Variants in MEP1A observed in about 807,000 individuals in gnomAD.
The protein encoded by MEP1A is N-benzoyl-L-tyrosyl-P-amino-benzoic acid hydrolase subunit alpha.
In MEP1A, 68 loss-of-function variants were observed where a neutral mutation model predicts 84.5. The observed-to-expected ratio is 0.80, with a 90% CI of 0.66 to 0.98. The LOEUF is 0.98. Ranked by LOEUF, MEP1A falls within the 50% of genes least tolerant of loss-of-function variation. The probability of loss-of-function intolerance (pLI) is 0.00; values close to 1 mark genes in which losing one functional copy is unlikely to be tolerated. For missense variants in MEP1A, 887 were observed against 919.9 expected (o/e 0.96, Z 0.46); for synonymous variants, 337 against 336.8 (o/e 1.00, Z -0.01).
chr6:46,842,605 A>G (rs146349891), downstream of MEP1A, among the ~76,000 whole-genome samples: 1 of 152,286 alleles, frequency 6.6e-6, no homozygotes, highest in East Asian at 1.9e-4. Context: ...TAAGATGTTT[A>G]TCAAGATAAT....
At chr6:46,794,812 C>T (rs1366491609) in intron 3 of MEP1A, among the ~76,000 whole-genome samples, 1 of 152,058 alleles carries the variant, frequency 6.6e-6, no homozygotes, top group Non-Finnish European at 1.5e-5. Context: ...TATTTTACAA[C>T]AGAAATGGGA....
In MEP1A at chr6:46,826,469, A is replaced by G; in HGVS notation, c.894A>G (p.Gly298=). The change falls in exon 9 of 14, where the codon GGA becomes GGG. Residue 298 remains glycine, a synonymous_variant. Transcript: ENST00000230588. ...CCCATCAGGACAGTGCTCAGGCTGG[A>G]GAAGTGGATCACACCTTGTTGGGAC... ...DWAHQDSAQA[G]EVDHTLLGQC... 6.3e-7 allele frequency: 1 copy of G among 1,597,958 alleles called. No homozygotes were observed. The highest frequency in any genetic ancestry group is 1.2e-5 in the South Asian group (1 of 86,620).
At chr6:46,799,513 A>C (rs1767145416) in intron 5 of MEP1A, among the ~76,000 whole-genome samples, 1 of 152,236 alleles carries the variant, frequency 6.6e-6, no homozygotes, top group Non-Finnish European at 1.5e-5. Flanking sequence ...AGGTGAATCT[A>C]AATGTAGTGT....
chr6:46,820,640 GGC>G (rs750597083), intron 7 of MEP1A, among the ~76,000 whole-genome samples: 37 of 152,146 alleles, frequency 2.4e-4, no homozygotes, highest in South Asian at 4.1e-4. Context: ...GGCCTGCCTT[GGC>G]CTCCCAAAGT....
intron 5 of MEP1A, among the ~76,000 whole-genome samples, chr6:46,807,586 AAGG>A (rs59585692): frequency 1.2e-4 from 11 of 89,442 alleles, no homozygotes; most frequent in African/African-American, 5.7e-4. Flanking sequence ...GGAAGGAAGG[AAGG>A]AAGGAAGGAA....
chr6:46,842,524 T>TAGG (rs1768352131), downstream of MEP1A, among the ~76,000 whole-genome samples: 1 of 152,196 alleles, frequency 6.6e-6, no homozygotes. Flanking sequence ...TCAGGCTTAC[T>TAGG]AGGATTGGGA....
In MEP1A at chr6:46,798,593, A is replaced by T. The variant is rs1309642207; in HGVS notation, c.146-13A>T. Reference sequence around the variant, plus strand: ...CTCAAATATTCTTTTTTTAAAAAAAATTCCACTTCCAGCTGCAGGCTTGGA... The same window carrying T: ...CTCAAATATTCTTTTTTTAAAAAAATTTCCACTTCCAGCTGCAGGCTTGGA... On this transcript the variant is annotated splice_polypyrimidine_tract_variant and intron_variant, in intron 3 of 13. Transcript: ENST00000230588. 1 of 1,612,220 alleles carries T rather than the reference A, an allele frequency of 6.2e-7. No individual in the cohort carries two copies. The highest frequency in any genetic ancestry group is 8.5e-7 in the Non-Finnish European group (1 of 1,178,706).
Position 46,809,496 on chromosome 6 carries a change from T to C in MEP1A, c.339T>C (p.Tyr113=). ...RLKSCVDFKP[Y]EGESSYIIFQ... ...AGTCCTGTGTGGATTTCAAGCCCTA[T>C]GAAGGAGAGAGCTCATATATCATAT... is the stretch of plus-strand genomic sequence containing the variant. Residue 113 remains tyrosine, a synonymous_variant, in exon 6 of 14, where the codon TAT becomes TAC. Coordinates refer to ENST00000230588, the MANE Select transcript of MEP1A (RefSeq NM_005588.3). The C allele has an allele frequency of 1.9e-6, 3 of 1,610,470 alleles. No individual in the cohort carries two copies. The highest frequency in any genetic ancestry group is 1.7e-6 in the Non-Finnish European group (2 of 1,177,750).
intron 6 of MEP1A, 75 bp downstream of exon 6, chr6:46,809,612 A>G: frequency 2.2e-6 from 2 of 903,646 alleles, no homozygotes; most frequent in Non-Finnish European, 3.6e-6. Context: ...CCGAGTCCCC[A>G]AAGTCCAATG....
chr6:46,802,263 G>GTCTTCTTTAATTTATCTAAATTTAA (rs1767212450), intron 5 of MEP1A, among the ~76,000 whole-genome samples: 1 of 151,742 alleles, frequency 6.6e-6, no homozygotes, highest in Non-Finnish European at 1.5e-5. Flanking sequence ...TCTAATCCGT[G>GTCTTCTTTAATTTATCTAAATTTAA]TTTTATAAAT....
chr6:46,828,028 C>A (rs148700354), intron 9 of MEP1A, among the ~76,000 whole-genome samples: 6 of 152,136 alleles, frequency 3.9e-5, no homozygotes, highest in Non-Finnish European at 8.8e-5. Flanking sequence ...CAGGTGGATG[C>A]GTAGACACAA....
chr6:46,843,193 G>A (rs1283147569), downstream of MEP1A, among the ~76,000 whole-genome samples: 1 of 152,156 alleles, frequency 6.6e-6, no homozygotes, highest in East Asian at 1.9e-4. Flanking sequence ...GGCATCCCTG[G>A]CCTCTACTTA....
chr6:46,815,840 G>A (rs1320959759), intron 6 of MEP1A, among the ~76,000 whole-genome samples: 3 of 152,122 alleles, frequency 2.0e-5, no homozygotes, highest in Non-Finnish European at 2.9e-5. Context: ...GCAAAAAATA[G>A]CAGTTAAATA....
At chr6:46,828,113 G>A (rs1767989305) in intron 9 of MEP1A, among the ~76,000 whole-genome samples, 1 of 152,102 alleles carries the variant, frequency 6.6e-6, no homozygotes, top group East Asian at 1.9e-4. Context: ...GAGAGCTGGG[G>A]ATAATTCAGG....
chr6:46,793,762 C>A, intron 3 of MEP1A, 46 bp downstream of exon 3: 2 of 1,359,018 alleles, frequency 1.5e-6, no homozygotes, highest in Non-Finnish European at 2.1e-6. Context: ...TTACTTGAAA[C>A]CCAGTGGTGG....
At chr6:46,794,563 T>C (rs901736665) in intron 3 of MEP1A, among the ~76,000 whole-genome samples, 3 of 152,194 alleles carry the variant, frequency 2.0e-5, no homozygotes, top group Admixed American at 6.5e-5. Flanking sequence ...ATCTGAAGGC[T>C]ACAAAACTAA....
Position 46,813,800 on chromosome 6 carries a change from C to T in MEP1A, c.380+4263C>T, listed in dbSNP as rs979409173. Among the ~76,000 whole-genome samples the T allele has an allele frequency of 4.6e-5, 7 of 152,074 alleles. No homozygotes were observed. In the East Asian group the frequency reaches 9.6e-4, roughly 21 times the overall value. On this transcript the variant is annotated intron_variant, in intron 6 of 13. Coordinates refer to ENST00000230588, the MANE Select transcript of MEP1A (RefSeq NM_005588.3). Reference sequence around the variant, plus strand: ...TTTGAAAAAGACTGTATCTTTCCTTCGTTTATTAAGCTTAGTTTCACCAGA... The same window carrying T: ...TTTGAAAAAGACTGTATCTTTCCTTTGTTTATTAAGCTTAGTTTCACCAGA...
chr6:46,840,605 G>A (rs542261875), downstream of MEP1A, among the ~76,000 whole-genome samples: 84 of 152,244 alleles, frequency 5.5e-4, 2 homozygotes, highest in Non-Finnish European at 1.8e-4. Context: ...AGCTAGCTGG[G>A]TAAATTTTAG....
At chr6:46,815,420 C>T (rs1248061865) in intron 6 of MEP1A, among the ~76,000 whole-genome samples, 3 of 152,208 alleles carry the variant, frequency 2.0e-5, no homozygotes, top group Non-Finnish European at 4.4e-5. Flanking sequence ...GCCCGCAGTC[C>T]TAAAGGCTGG....
Sources: allele counts gnomAD v4.1 joint callset (sites outside exome capture counted in the v4.1 genomes callset), GRCh38; gene constraint gnomAD v4.1.1; transcripts MANE v1.5; gene names NCBI Gene and HGNC (gene_info 2026-07-23, HGNC 2026-07-21).